Variants in ABI1 observed in about 807,000 individuals in gnomAD.
ABI1 encodes the protein Abelson interactor 1.
ABI1 carries 14 observed loss-of-function variants against 54.6 expected under a neutral mutation model. The observed-to-expected ratio is 0.26, with a 90% confidence interval of 0.17 to 0.40. The LOEUF is 0.40. Among genes scored for constraint, ABI1 ranks in the 10% least tolerant of loss-of-function variants. The pLI is 1.00. For missense variants in ABI1, 443 were observed against 598.3 expected (o/e 0.74, Z 2.71); for synonymous variants, 194 against 209.3 (o/e 0.93, Z 0.63).
intron 2 of ABI1, chr10:26,790,691 G>A (rs1389324917): frequency 6.6e-6 from 1 of 152,008 alleles, no homozygotes. Flanking sequence ...TACTGCAATG[G>A]GCTGGTAAAA....
At chr10:26,847,739 T>C (rs1223387314) in intron 1 of ABI1, among the ~76,000 whole-genome samples, 2 of 152,082 alleles carry the variant, frequency 1.3e-5, no homozygotes, top group African/African-American at 4.8e-5. Context: ...AAAAGATAAA[T>C]GCAAAGCCTT....
intron 8 of ABI1, among the ~76,000 whole-genome samples, chr10:26,757,083 A>G (rs1374326093): frequency 6.6e-6 from 1 of 152,136 alleles, no homozygotes; most frequent in Non-Finnish European, 1.5e-5. Context: ...AACAACTCTT[A>G]GTAACTAGCC....
intron 2 of ABI1, among the ~76,000 whole-genome samples, chr10:26,808,053 T>C (rs984008184): frequency 6.6e-6 from 1 of 151,946 alleles, no homozygotes; most frequent in Admixed American, 6.5e-5. Flanking sequence ...GATCGCACCA[T>C]TGCACTCCAG....
chr10:26,841,949 G>A (rs1340881931), intron 1 of ABI1, among the ~76,000 whole-genome samples: 2 of 85,586 alleles, frequency 2.3e-5, no homozygotes, highest in African/African-American at 1.2e-4. Context: ...GTATATGCCC[G>A]ATAAGGAATT....
rs1435232408 is a variant in ABI1 at position 26,860,705 on chromosome 10, C to G, written c.117+42G>C. 6.5e-7 allele frequency: 1 copy of G among 1,544,756 alleles called. No individual in the cohort carries two copies. Among genetic ancestry groups the G allele is most frequent in the Admixed American group, 1.7e-5 (1 of 59,926 alleles). On this transcript the variant is annotated intron_variant, in intron 1 of 10. Coordinates refer to ENST00000376140, the MANE Select transcript of ABI1 (RefSeq NM_001012750.3). This position sits in a 1 kb window ranked among gnomAD's most constrained non-coding sequence, Gnocchi z 4.1. ...CAGTGGGCTGGTCACTCCGGCGGGTCCTCGACCCGGCCAGCGCCCGCCGGC... is the reference window on the plus strand; with the variant it reads ...CAGTGGGCTGGTCACTCCGGCGGGTGCTCGACCCGGCCAGCGCCCGCCGGC...
At chr10:26,794,086 A>G (rs1248075795) in intron 2 of ABI1, among the ~76,000 whole-genome samples, 3 of 152,054 alleles carry the variant, frequency 2.0e-5, no homozygotes, top group Non-Finnish European at 4.4e-5. Context: ...CTACCAAAAA[A>G]TATAAAAATT....
chr10:26,750,222 C>T (rs16927314), intron 10 of ABI1, among the ~76,000 whole-genome samples: 44,390 of 152,198 alleles, frequency 0.29, 6,787 homozygotes, highest in African/African-American at 0.36. Flanking sequence ...TATAAGGCCA[C>T]GCTCGGCTCA....
intron 7 of ABI1, 121 bp from the exon 8 acceptor site, chr10:26,759,359 G>A: frequency 4.3e-6 from 3 of 695,954 alleles, no homozygotes; most frequent in East Asian, 3.1e-5. Flanking sequence ...TCAAGACCAA[G>A]GCACAAAATA....
At chr10:26,759,374 G>C (rs1351469387) in intron 7 of ABI1, 136 bp from the exon 8 acceptor site, 2 of 579,760 alleles carry the variant, frequency 3.4e-6, no homozygotes, top group Non-Finnish European at 2.6e-6. Flanking sequence ...AAAATAAAGA[G>C]AAAAGTAAAG....
chr10:26,807,461 G>A (rs544048919), intron 2 of ABI1, among the ~76,000 whole-genome samples: 35 of 152,022 alleles, frequency 2.3e-4, no homozygotes, highest in Non-Finnish European at 3.7e-4. Flanking sequence ...CAGCTTGGGC[G>A]ACAAGAGTGA....
intron 1 of ABI1, among the ~76,000 whole-genome samples, chr10:26,823,869 G>C (rs1028776752): frequency 6.6e-5 from 10 of 151,898 alleles, no homozygotes; most frequent in African/African-American, 2.2e-4. Flanking sequence ...CCTCAAAGAG[G>C]AGCAAGGTTA....
chr10:26,773,366 T>C lies in ABI1; in HGVS notation c.463-2277A>G, dbSNP rs146331334. Reference sequence around the variant, plus strand: ...AAAACTGTGTGCCACCATGCTTGGCTAAATTTTGTATTTTTAGGAGACGGG... The same window carrying C: ...AAAACTGTGTGCCACCATGCTTGGCCAAATTTTGTATTTTTAGGAGACGGG... On this transcript the variant is annotated intron_variant, in intron 3 of 10. Coordinates refer to ENST00000376140, the MANE Select transcript of ABI1 (RefSeq NM_001012750.3). 3.5e-3 allele frequency among the ~76,000 whole-genome samples: 529 copies of C among 151,666 alleles called. 5 individuals carry two copies. Among genetic ancestry groups the C allele is most frequent in the East Asian group, 0.03 (151 of 5,114 alleles).
intron 1 of ABI1, among the ~76,000 whole-genome samples, chr10:26,847,539 G>C (rs146621094): frequency 0.015 from 2,207 of 152,038 alleles, 53 homozygotes; most frequent in African/African-American, 0.051. Context: ...TGGGAGGATT[G>C]CTTGAGCCCA....
chr10:26,778,552 G>T (rs1402225351), intron 2 of ABI1, among the ~76,000 whole-genome samples: 1 of 150,020 alleles, frequency 6.7e-6, no homozygotes, highest in East Asian at 1.9e-4. Context: ...TGTTACGCTT[G>T]AATCAGATCT....
intron 9 of ABI1, among the ~76,000 whole-genome samples, chr10:26,752,303 G>C (rs1413660032): frequency 6.6e-6 from 1 of 152,100 alleles, no homozygotes; most frequent in African/African-American, 2.4e-5. Context: ...TTTTGATGAA[G>C]AGAAAAGTAA....
chr10:26,836,172 G>A (rs2049058625), intron 1 of ABI1, among the ~76,000 whole-genome samples: 1 of 151,934 alleles, frequency 6.6e-6, no homozygotes, highest in Admixed American at 6.6e-5. Context: ...CAGTGTAGTG[G>A]CGCAATCTCA....
At chr10:26,818,194 A>G (rs1231266051) in intron 2 of ABI1, among the ~76,000 whole-genome samples, 1 of 137,826 alleles carries the variant, frequency 7.3e-6, no homozygotes, top group Non-Finnish European at 1.6e-5. Context: ...AAAAAAAAAA[A>G]ATTCCTAACA....
chr10:26,839,001 T>C (rs1251739182), intron 1 of ABI1, among the ~76,000 whole-genome samples: 2 of 152,216 alleles, frequency 1.3e-5, no homozygotes, highest in Non-Finnish European at 2.9e-5. Context: ...ACCGCATGAA[T>C]TTTAATTCAC....
At chr10:26,846,669 A>G (rs1268311049) in intron 1 of ABI1, among the ~76,000 whole-genome samples, 1 of 152,074 alleles carries the variant, frequency 6.6e-6, no homozygotes, top group Admixed American at 6.6e-5. Context: ...ATGCCTTCTC[A>G]TCAGCCTCAG....
Sources: allele counts gnomAD v4.1 joint callset (sites outside exome capture counted in the v4.1 genomes callset), GRCh38; gene constraint gnomAD v4.1.1; non-coding constraint Gnocchi (gnomAD v3.1); transcripts MANE v1.5; gene names NCBI Gene and HGNC (gene_info 2026-07-23, HGNC 2026-07-21).